PACSIN3: variants seen among roughly 807,000 people sequenced by gnomAD.
PACSIN3 encodes protein kinase C and casein kinase substrate in neurons protein 3.
A neutral mutation model predicts 56.1 loss-of-function variants in PACSIN3; 34 were observed. That is an observed-to-expected ratio of 0.61 (90% confidence interval 0.46 to 0.81). PACSIN3 has a LOEUF of 0.81. PACSIN3 is among the 30% of genes least tolerant of loss of function. The pLI is 0.00. For missense variants in PACSIN3, 535 were observed against 592.4 expected (o/e 0.90, Z 1.01); for synonymous variants, 218 against 229.8 (o/e 0.95, Z 0.46).
intron 2 of PACSIN3, 105 bp from the exon 3 acceptor site, chr11:47,182,869 C>T: frequency 2.5e-6 from 2 of 788,644 alleles, no homozygotes; most frequent in South Asian, 3.8e-5. Flanking sequence ...ATCCCCACCA[C>T]CCAAGGAGTC....
rs1411575124 is a variant in PACSIN3, at chr11:47,178,051, G to A, written c.1160-5C>T. The A allele has an allele frequency of 6.2e-7, 1 of 1,611,054 alleles. No individual in the cohort carries two copies. The highest frequency in any genetic ancestry group is 2.2e-5 in the East Asian group (1 of 44,816). On this transcript the variant is annotated splice_region_variant and splice_polypyrimidine_tract_variant and intron_variant, in intron 10 of 10. Transcript: ENST00000298838. This position sits in a 1 kb window ranked among gnomAD's most constrained non-coding sequence, Gnocchi z 4.2. ...TCATCTTCAGCAGCTCCTCCCCTGG[G>A]GGAAAGGGGATTGGTCACTGCCAGT... is the stretch of plus-strand genomic sequence containing the variant.
At position 47,177,971 on chromosome 11, in the gene PACSIN3, CCAATG is replaced by C; in HGVS notation, c.1230_1234del (p.Ile411ProfsTer53). 1 of 1,614,144 alleles carries C rather than the reference CCAATG, an allele frequency of 6.2e-7. No individual in the cohort carries two copies. Among genetic ancestry groups the C allele is most frequent in the Non-Finnish European group, 8.5e-7 (1 of 1,180,020 alleles). ...CTCCACGTAGTTGGCAGGGTACAGGCCAATGCGGCCACTCTGCAACTGGCCTTGGC... is the reference window on the plus strand; with the variant it reads ...CTCCACGTAGTTGGCAGGGTACAGGCCGGCCACTCTGCAACTGGCCTTGGC... On this transcript the variant is annotated frameshift_variant, in exon 11 of 11. Coordinates refer to ENST00000298838, the MANE Select transcript of PACSIN3 (RefSeq NM_016223.5). LOFTEE classifies it high-confidence loss of function.
intron 1 of PACSIN3, chr11:47,185,295 C>T (rs1324455099): frequency 1.3e-5 from 2 of 152,560 alleles, no homozygotes; most frequent in Admixed American, 6.5e-5. Context: ...GGCCCCAGAC[C>T]AGCCCCAACC....
In PACSIN3 at chr11:47,179,148, G is replaced by A. The variant is rs762997849; in HGVS notation, c.900+11C>T. ...CCCACCTCCCATCCCCACCCCGCCT[G>A]GAACACATGCCTCGAACTGTGGCCA... On this transcript the variant is annotated intron_variant, in intron 8 of 10. Coordinates refer to ENST00000298838, the MANE Select transcript of PACSIN3 (RefSeq NM_016223.5). This position sits in a 1 kb window ranked among gnomAD's most constrained non-coding sequence, Gnocchi z 4.4. 5 of 1,613,566 alleles carry A rather than the reference G, an allele frequency of 3.1e-6. No homozygotes were observed. The East Asian group carries it at 8.9e-5, about 29-fold the overall frequency.
Position 47,179,629 on chromosome 11 carries a change from C to G in PACSIN3, c.604-43G>C, listed in dbSNP as rs760629400. ...GGCCTGGTGAGAACCAGACCTTCTT[C>G]CACCCAGGACTCCACCAGTGTTTAC... On this transcript the variant is annotated intron_variant, in intron 6 of 10. Transcript: ENST00000298838. The surrounding 1 kb of genome is among the most constrained non-coding windows in gnomAD (Gnocchi z 4.4). 3 of 1,583,858 alleles carry G rather than the reference C, an allele frequency of 1.9e-6. No homozygotes were observed. In the Admixed American group the frequency reaches 5.1e-5, roughly 27 times the overall value.
Position 47,182,999 on chromosome 11 carries a change from C to G in PACSIN3, c.-38+5G>C, listed in dbSNP as rs1953058068. On this transcript the variant is annotated splice_donor_5th_base_variant and intron_variant, in intron 2 of 10. Transcript: ENST00000298838. The stretch of plus-strand genomic sequence containing the variant: ...CTGCACTTCCCCCCCCGCCCCCCCA[C>G]ATACCTGGGGCCTAGAGATCACTTC... 1 of 420,764 alleles carries G rather than the reference C, an allele frequency of 2.4e-6. No homozygotes were observed. Among genetic ancestry groups the G allele is most frequent in the Admixed American group, 4.4e-5 (1 of 22,724 alleles). 26.1% of individuals were successfully genotyped at this position (420,764 alleles called of 1,614,324 possible). A position where few individuals can be genotyped will look rare whatever the true frequency, so the allele number is the denominator to read the frequency against.
chr11:47,177,647 AG>A lies in PACSIN3; in HGVS notation c.*283del. ...GCCCACCCCAGGAACCCCAAAGCAG[AG>A]GTCAGGAACTGAGTCCACAGCTCCT... On this transcript the variant is annotated 3_prime_UTR_variant, in exon 11 of 11. Transcript: ENST00000298838. 1 of 466,750 alleles carries A rather than the reference AG, an allele frequency of 2.1e-6. No individual in the cohort carries two copies. The highest frequency in any genetic ancestry group is 3.8e-6 in the Non-Finnish European group (1 of 260,984). 28.9% of individuals were successfully genotyped at this position (466,750 alleles called of 1,614,324 possible).
In PACSIN3 at chr11:47,178,397, G is replaced by A. The variant is rs1274587659; in HGVS notation, c.1128C>T (p.Gly376=). The A allele has an allele frequency of 1.2e-6, 2 of 1,614,036 alleles. No homozygotes were observed. Among genetic ancestry groups the A allele is most frequent in the Admixed American group, 1.7e-5 (1 of 60,020 alleles). The change falls in exon 10 of 11, where the codon GGC becomes GGT. Residue 376 remains glycine (G), a synonymous_variant. Transcript: ENST00000298838. This position sits in a 1 kb window ranked among gnomAD's most constrained non-coding sequence, Gnocchi z 4.2. The part of the protein sequence containing the change: ...VRVRALYDYA[G]QEADELSFRA... ...GGAAGCTCAGCTCATCAGCTTCCTG[G>A]CCAGCGTAGTCATAGAGTGCCCTCA...
intron 1 of PACSIN3, among the ~76,000 whole-genome samples, chr11:47,183,897 C>T (rs1479190860): frequency 6.6e-6 from 1 of 152,098 alleles, no homozygotes; most frequent in African/African-American, 2.4e-5. Context: ...TGGCGGGAAC[C>T]TGTAGTCCCA....
intron 1 of PACSIN3, among the ~76,000 whole-genome samples, chr11:47,184,857 C>T (rs1953090217): frequency 6.6e-6 from 1 of 152,196 alleles, no homozygotes; most frequent in Non-Finnish European, 1.5e-5. Context: ...TCCCTGCTCC[C>T]CAGAGAGCTG....
At position 47,178,364 on chromosome 11, in the gene PACSIN3, A is replaced by G. The variant is rs1407492230; in HGVS notation, c.1159+2T>C. On this transcript the variant is annotated splice_donor_variant, in intron 10 of 10. Transcript: ENST00000298838. LOFTEE classifies it high-confidence loss of function. The surrounding 1 kb of genome is among the most constrained non-coding windows in gnomAD (Gnocchi z 4.2). Reference sequence around the variant, plus strand: ...GAAGCTAGGAAAGGGGTCCCAGGGTACCTGCTCGGAAGCTCAGCTCATCAG... The same window carrying G: ...GAAGCTAGGAAAGGGGTCCCAGGGTGCCTGCTCGGAAGCTCAGCTCATCAG... 1 of 1,613,806 alleles carries G rather than the reference A, an allele frequency of 6.2e-7. No individual in the cohort carries two copies. The highest frequency in any genetic ancestry group is 1.7e-5 in the Admixed American group (1 of 60,000).
In PACSIN3 at chr11:47,179,140, C is replaced by A. The variant is rs981152410; in HGVS notation, c.900+19G>T. 14 of 1,613,378 alleles carry A rather than the reference C, an allele frequency of 8.7e-6. No individual in the cohort carries two copies. Among genetic ancestry groups the A allele is most frequent in the Middle Eastern group, 1.6e-4 (1 of 6,062 alleles). On this transcript the variant is annotated intron_variant, in intron 8 of 10. Transcript: ENST00000298838. The surrounding 1 kb of genome is among the most constrained non-coding windows in gnomAD (Gnocchi z 4.4). ...GAGCCCATCCCACCTCCCATCCCCACCCCGCCTGGAACACATGCCTCGAAC... is the reference window on the plus strand; with the variant it reads ...GAGCCCATCCCACCTCCCATCCCCAACCCGCCTGGAACACATGCCTCGAAC...
At position 47,180,709 on chromosome 11, in the gene PACSIN3, C is replaced by A; in HGVS notation, c.212-19G>T. On this transcript the variant is annotated intron_variant, in intron 4 of 10. Coordinates refer to ENST00000298838, the MANE Select transcript of PACSIN3 (RefSeq NM_016223.5). ...TGGGGGCCTGCAGGGAGGGACAGGG[C>A]TTAGGCCAGGCCTGGGTACCACCCA... 6.3e-7 allele frequency: 1 copy of A among 1,576,408 alleles called. No individual in the cohort carries two copies. The highest frequency in any genetic ancestry group is 8.6e-7 in the Non-Finnish European group (1 of 1,165,624).
intron 4 of PACSIN3, among the ~76,000 whole-genome samples, chr11:47,181,058 C>T (rs1184537799): frequency 3.3e-5 from 5 of 151,704 alleles, no homozygotes; most frequent in Admixed American, 6.6e-5. Context: ...GTCAGGAGAT[C>T]GAGACCATCC....
rs1952903039 is a variant in PACSIN3 at position 47,177,611 on chromosome 11, A to G, written c.*320T>C. 1 of 403,996 alleles carries G rather than the reference A, an allele frequency of 2.5e-6. No individual in the cohort carries two copies. Among genetic ancestry groups the G allele is most frequent in the Admixed American group, 4.3e-5 (1 of 23,134 alleles). The allele number at this position is 403,996 out of a possible 1,614,324, so 25.0% of individuals were successfully genotyped here. A position where few individuals can be genotyped will look rare whatever the true frequency, so the allele number is the denominator to read the frequency against. ...GAGGGTGCTGCTAGGCCAGAACTAC[A>G]CTCACCCCAAGCCCACCCCAGGAAC... On this transcript the variant is annotated 3_prime_UTR_variant, in exon 11 of 11. Coordinates refer to ENST00000298838, the MANE Select transcript of PACSIN3 (RefSeq NM_016223.5).
At position 47,178,337 on chromosome 11, in the gene PACSIN3, C is replaced by T; in HGVS notation, c.1159+29G>A. 6.2e-7 allele frequency: 1 copy of T among 1,611,538 alleles called. No individual in the cohort carries two copies. ...CCTGCTCAGGCAGATAAGGCAGAGG[C>T]TGAAGCTAGGAAAGGGGTCCCAGGG... On this transcript the variant is annotated intron_variant, in intron 10 of 10. Coordinates refer to ENST00000298838, the MANE Select transcript of PACSIN3 (RefSeq NM_016223.5). This position sits in a 1 kb window ranked among gnomAD's most constrained non-coding sequence, Gnocchi z 4.2.
Position 47,178,585 on chromosome 11 carries a change from G to A in PACSIN3, c.1038-98C>T. On this transcript the variant is annotated intron_variant, in intron 9 of 10. Coordinates refer to ENST00000298838, the MANE Select transcript of PACSIN3 (RefSeq NM_016223.5). This position sits in a 1 kb window ranked among gnomAD's most constrained non-coding sequence, Gnocchi z 4.2. ...GGCAAAGGCCTCCCTACCCCCAGAG[G>A]CACCTGGGAGAGTCAGGTGAGGTAC... The A allele has an allele frequency of 6.9e-7, 1 of 1,459,478 alleles. No homozygotes were observed. Among genetic ancestry groups the A allele is most frequent in the Non-Finnish European group, 9.2e-7 (1 of 1,083,722 alleles). 90.4% of individuals were successfully genotyped at this position (1,459,478 alleles called of 1,614,324 possible). A position where few individuals can be genotyped will look rare whatever the true frequency, so the allele number is the denominator to read the frequency against.
chr11:47,183,628 GC>G (rs1288505148), intron 1 of PACSIN3, among the ~76,000 whole-genome samples: 1 of 152,194 alleles, frequency 6.6e-6, no homozygotes, highest in African/African-American at 2.4e-5. Flanking sequence ...TCCACTGAGG[GC>G]CCGCAAGGCT....
chr11:47,179,850 TGGA>T lies in PACSIN3; in HGVS notation c.604-267_604-265del. Reference sequence around the variant, plus strand: ...ATGGGAGAAATCAGAAAAGGCTTCCTGGAGGAGGTGGAAACTGCAGCATCTCAG... The same window carrying T: ...ATGGGAGAAATCAGAAAAGGCTTCCTGGAGGTGGAAACTGCAGCATCTCAG... On this transcript the variant is annotated intron_variant, in intron 6 of 10. Transcript: ENST00000298838. The surrounding 1 kb of genome is among the most constrained non-coding windows in gnomAD (Gnocchi z 4.4). The T allele has an allele frequency of 1.8e-6, 1 of 559,730 alleles. No homozygotes were observed. 34.7% of individuals were successfully genotyped at this position (559,730 alleles called of 1,614,324 possible).
Sources: gnomAD v4.1 joint callset for allele counts (sites outside exome capture counted in the v4.1 genomes callset) on GRCh38, gnomAD v4.1.1 for gene constraint, Gnocchi (gnomAD v3.1) non-coding constraint, MANE v1.5 for transcripts, NCBI Gene and HGNC (gene_info 2026-07-23, HGNC 2026-07-21) for gene names.